Variants in DPP6 observed in about 807,000 individuals in gnomAD.
DPP6 encodes the protein A-type potassium channel modulatory protein DPP6.
A neutral mutation model predicts 122.6 loss-of-function variants in DPP6; 69 were observed. The ratio of observed to expected loss-of-function variants is 0.56; its 90% confidence interval spans 0.46 to 0.69. The LOEUF (loss-of-function observed/expected upper bound fraction) is 0.69, where lower values mean the gene tolerates loss of function less well. Among genes scored for constraint, DPP6 ranks in the 30% least tolerant of loss-of-function variants. The pLI is 0.00. For missense variants in DPP6, 928 were observed against 1,116.9 expected, an observed-to-expected ratio of 0.83 and a Z score of 2.41; for synonymous variants, 418 against 433.1, an observed-to-expected ratio of 0.97 and a Z score of 0.43.
intron 1 of DPP6, among the ~76,000 whole-genome samples, chr7:154,410,325 A>G (rs1309188325): frequency 6.6e-6 from 1 of 152,248 alleles, no homozygotes; most frequent in Non-Finnish European, 1.5e-5. Flanking sequence ...TGGAAAAAGC[A>G]ATAAAAAGGT....
chr7:154,260,829 T>C (rs976174293), intron 1 of DPP6, among the ~76,000 whole-genome samples: 3 of 151,512 alleles, frequency 2.0e-5, no homozygotes, highest in Non-Finnish European at 2.9e-5. Flanking sequence ...TAATTACTTA[T>C]TTTCTTCTTG....
At chr7:154,616,846 T>G (rs1323200402) in intron 5 of DPP6, among the ~76,000 whole-genome samples, 4 of 152,208 alleles carry the variant, frequency 2.6e-5, no homozygotes, top group African/African-American at 4.8e-5. Context: ...AGGAAGCAGA[T>G]GCCTACATCT....
chr7:153,846,494 T>A, the DPP6 span, among the ~76,000 whole-genome samples: 2 of 152,068 alleles, frequency 1.3e-5, no homozygotes, highest in Admixed American at 1.3e-4. Flanking sequence ...TTTTTTGTAT[T>A]TCCTTCTTTA....
chr7:154,707,794 A>G (rs1210554802), intron 7 of DPP6, among the ~76,000 whole-genome samples: 1 of 152,210 alleles, frequency 6.6e-6, no homozygotes, highest in Non-Finnish European at 1.5e-5. Context: ...TCATGGCAGA[A>G]GGTAAAGGAG....
chr7:154,574,183 T>G (rs907806502), intron 5 of DPP6, among the ~76,000 whole-genome samples: 11 of 152,038 alleles, frequency 7.2e-5, no homozygotes, highest in African/African-American at 2.7e-4. Context: ...GGTAATGCTG[T>G]GCGTGTGTGT....
intron 1 of DPP6, among the ~76,000 whole-genome samples, chr7:154,136,296 G>C (rs1253106750): frequency 6.6e-6 from 1 of 152,136 alleles, no homozygotes; most frequent in African/African-American, 2.4e-5. Context: ...AGTCAGCCTT[G>C]TTCTTTGTGG....
intron 1 of DPP6, among the ~76,000 whole-genome samples, chr7:154,021,942 T>C (rs1196941697): frequency 6.6e-6 from 1 of 152,212 alleles, no homozygotes; most frequent in Admixed American, 6.5e-5. Context: ...TCCTACCAGC[T>C]ATCTGGGCAT....
chr7:154,070,941 T>G (rs1007322390), intron 1 of DPP6, among the ~76,000 whole-genome samples: 7 of 152,158 alleles, frequency 4.6e-5, no homozygotes, highest in African/African-American at 1.7e-4. Flanking sequence ...CTGAGATACA[T>G]CAGTGTTATT....
intron 1 of DPP6, among the ~76,000 whole-genome samples, chr7:154,309,272 TTTTGTTGC>T (rs1186123598): frequency 6.6e-6 from 1 of 152,224 alleles, no homozygotes; most frequent in Non-Finnish European, 1.5e-5. Flanking sequence ...GACTGCTGTT[TTTTGTTGC>T]TTCTCAGTTT....
At chr7:154,267,255 C>G (rs1483510089) in intron 1 of DPP6, among the ~76,000 whole-genome samples, 2 of 150,144 alleles carry the variant, frequency 1.3e-5, no homozygotes, top group Non-Finnish European at 3.0e-5. Flanking sequence ...ATTTTGAATA[C>G]TTAAATATTC....
chr7:154,398,553 C>G (rs893008928), intron 1 of DPP6, among the ~76,000 whole-genome samples: 1 of 152,080 alleles, frequency 6.6e-6, no homozygotes, highest in African/African-American at 2.4e-5. Context: ...ATTTCTTTTT[C>G]CTTTCTATTT....
At chr7:153,807,723 CAGG>C in the DPP6 span, among the ~76,000 whole-genome samples, 4 of 151,770 alleles carry the variant, frequency 2.6e-5, no homozygotes, top group African/African-American at 7.3e-5. Context: ...AGCTCAGCTG[CAGG>C]AGGAGGGAGA....
In DPP6 at chr7:154,769,557, T is replaced by C. The variant is rs768060729; in HGVS notation, c.1024T>C (p.Tyr342His). 6.2e-7 allele frequency: 1 copy of C among 1,605,358 alleles called. No individual in the cohort carries two copies. The highest frequency in any genetic ancestry group is 8.5e-7 in the Non-Finnish European group (1 of 1,174,384). Reference protein sequence around the residue: ...TGSIYPTVKPYHYPKAGSENP... With the variant: ...TGSIYPTVKPHHYPKAGSENP... ...CTCCATCTACCCCACCGTGAAGCCCTACCACTATCCCAAGGTAGGCAAAGG... is the reference window on the plus strand; with the variant it reads ...CTCCATCTACCCCACCGTGAAGCCCCACCACTATCCCAAGGTAGGCAAAGG... Residue 342 changes from tyrosine (Y) to histidine (H), a missense_variant, in exon 9 of 26, where the codon TAC becomes CAC. Tyr to His is a moderately conservative substitution (Grantham distance 83). Transcript: ENST00000377770.
At chr7:154,147,983 T>C (rs3115159) in intron 1 of DPP6, among the ~76,000 whole-genome samples, 6,034 of 136,492 alleles carry the variant, frequency 0.044, 76 homozygotes, top group African/African-American at 0.2. Flanking sequence ...TTCCCTTTAC[T>C]TCCCACTCCC....
rs562639710 is a variant in DPP6 at position 154,126,736 on chromosome 7, A to G, written c.243+73673A>G. 5.3e-5 allele frequency among the ~76,000 whole-genome samples: 8 copies of G among 152,040 alleles called. No homozygotes were observed. In the South Asian group the frequency reaches 1.5e-3, roughly 28 times the overall value. On this transcript the variant is annotated intron_variant, in intron 1 of 25. Coordinates refer to ENST00000377770, the MANE Select transcript of DPP6 (RefSeq NM_130797.4). Reference sequence around the variant, plus strand: ...AATACATTTGGTGCAGAACGATAGCATTTCAAACCTGTCTAAACAGTTTGC... The same window carrying G: ...AATACATTTGGTGCAGAACGATAGCGTTTCAAACCTGTCTAAACAGTTTGC...
At chr7:154,276,963 T>C (rs1243582773) in intron 1 of DPP6, among the ~76,000 whole-genome samples, 2 of 152,186 alleles carry the variant, frequency 1.3e-5, no homozygotes, top group African/African-American at 4.8e-5. Flanking sequence ...GGTATTCTTG[T>C]GCTTGGGAAC....
rs73167308 is a variant in DPP6, at chr7:154,279,624, A to T, written c.244-166590A>T. Among the ~76,000 whole-genome samples the T allele has an allele frequency of 8.9e-3, 1,361 of 152,322 alleles. 13 individuals are homozygous for T. Among genetic ancestry groups the T allele is most frequent in the Middle Eastern group, 0.034 (10 of 294 alleles). ...GATGATCATTACGTTCACGTTGCAA[A>T]GTCTCATTAGTTTGATTTTTGAACC... is the stretch of plus-strand genomic sequence containing the variant. On this transcript the variant is annotated intron_variant, in intron 1 of 25. Coordinates refer to ENST00000377770, the MANE Select transcript of DPP6 (RefSeq NM_130797.4).
At chr7:154,671,868 A>ACACACACGTG (rs55917968) in intron 7 of DPP6, among the ~76,000 whole-genome samples, 65,110 of 150,182 alleles carry the variant, frequency 0.43, 15,365 homozygotes, top group Non-Finnish European at 0.54. Flanking sequence ...ACACATGCAC[A>ACACACACGTG]CACACACACA....
At chr7:154,197,328 C>T (rs1798920708) in intron 1 of DPP6, among the ~76,000 whole-genome samples, 1 of 152,028 alleles carries the variant, frequency 6.6e-6, no homozygotes, top group African/African-American at 2.4e-5. Flanking sequence ...TCCTTGTGGA[C>T]AAGAAGCATT....
Sources: allele counts gnomAD v4.1 joint callset (sites outside exome capture counted in the v4.1 genomes callset), GRCh38; gene constraint gnomAD v4.1.1; transcripts MANE v1.5; gene names NCBI Gene and HGNC (gene_info 2026-07-23, HGNC 2026-07-21).